The following FCRL3 variants were observed in gnomAD, a reference collection of about 807,000 sequenced individuals.
FCRL3 encodes the protein Fc receptor like 3.
A neutral mutation model predicts 75.0 loss-of-function variants in FCRL3; 89 were observed. The ratio of observed to expected loss-of-function variants is 1.19; its 90% CI spans 1.00 to 1.42. The LOEUF (loss-of-function observed/expected upper bound fraction) is 1.42, where lower values mean the gene tolerates loss of function less well. Ranked by LOEUF, FCRL3 falls within the 40% of genes most tolerant of loss-of-function variation. The probability of loss-of-function intolerance (pLI) is 0.00; values close to 1 mark genes in which losing one functional copy is unlikely to be tolerated. For missense variants in FCRL3, 946 were observed against 880.0 expected (o/e 1.07, Z -0.95); for synonymous variants, 376 against 348.5 (o/e 1.08, Z -0.88).
chr1:157,682,103 T>C (rs540759068), intron 11 of FCRL3, among the ~76,000 whole-genome samples: 131 of 152,346 alleles, frequency 8.6e-4, no homozygotes, highest in African/African-American at 2.9e-3. Context: ...TGTTTTTTTC[T>C]TGTAAATTTG....
intron 6 of FCRL3, 91 bp downstream of exon 6, chr1:157,697,049 G>A (rs758341040): frequency 8.0e-7 from 1 of 1,247,288 alleles, no homozygotes; most frequent in African/African-American, 1.5e-5. Flanking sequence ...ACTCCTCTCT[G>A]TTATGTCCAC....
At position 157,676,707 on chromosome 1, in the gene FCRL3, C is replaced by T. The variant is rs1389561395; in HGVS notation, c.*2003G>A. ...TTCCACTCACATACTCTGATTTGCACAGGGCTAAGTGTTACAAAGACATGG... is the reference window on the plus strand; with the variant it reads ...TTCCACTCACATACTCTGATTTGCATAGGGCTAAGTGTTACAAAGACATGG... On this transcript the variant is annotated 3_prime_UTR_variant, in exon 15 of 15. Coordinates refer to ENST00000368184, the MANE Select transcript of FCRL3 (RefSeq NM_052939.4). The T allele has an allele frequency of 1.3e-6, 2 of 1,550,138 alleles. No individual in the cohort carries two copies. The highest frequency in any genetic ancestry group is 8.7e-7 in the Non-Finnish European group (1 of 1,146,654).
In FCRL3 at chr1:157,695,369, C is replaced by T. The variant is rs377440140; in HGVS notation, c.1371G>A (p.Leu457=). Residue 457 remains leucine (L), a synonymous_variant, in exon 8 of 15, where the codon CTG becomes CTA. Coordinates refer to ENST00000368184, the MANE Select transcript of FCRL3 (RefSeq NM_052939.4). ...GNYSCDADNG[L]GAQHSHGVSL... ...TCACTCCATGACTGTGCTGGGCCCC[C>T]AGGCCATTGTCTGCATCACAGGAGT... 1.9e-6 allele frequency: 3 copies of T among 1,614,076 alleles called. No individual in the cohort carries two copies. The highest frequency in any genetic ancestry group is 2.7e-5 in the African/African-American group (2 of 74,934).
chr1:157,690,152 C>A lies in FCRL3; in HGVS notation c.1690+103G>T. 11 of 1,471,194 alleles carry A rather than the reference C, an allele frequency of 7.5e-6. No individual in the cohort carries two copies. The South Asian group carries it at 1.3e-4, about 18-fold the overall frequency. 91.1% of individuals were successfully genotyped at this position (1,471,194 alleles called of 1,614,324 possible). ...TCCAGAAGTCCCAAGCCTTCGTGTG[C>A]ATGTTCAAAACCTCCTTGGTGCTAG... On this transcript the variant is annotated intron_variant, in intron 9 of 14. Transcript: ENST00000368184.
Position 157,678,696 on chromosome 1 carries a change from C to T in FCRL3, c.*14G>A. On this transcript the variant is annotated 3_prime_UTR_variant, in exon 15 of 15. Coordinates refer to ENST00000368184, the MANE Select transcript of FCRL3 (RefSeq NM_052939.4). ...GGTGCAGGCTGTTTCCTGTGGGCCACTCTGGGTAAGGGGCTAGTGGTCTGA... is the reference window on the plus strand; with the variant it reads ...GGTGCAGGCTGTTTCCTGTGGGCCATTCTGGGTAAGGGGCTAGTGGTCTGA... 1.9e-6 allele frequency: 3 copies of T among 1,612,496 alleles called. 1 individual carries two copies. Among genetic ancestry groups the T allele is most frequent in the South Asian group, 2.2e-5 (2 of 91,000 alleles).
At chr1:157,698,147 T>A in intron 4 of FCRL3, 1 of 720,840 alleles carries the variant, frequency 1.4e-6, no homozygotes, top group Non-Finnish European at 2.2e-6. Context: ...AAAAGAGGAA[T>A]CCCAGACTTG....
Position 157,700,525 on chromosome 1 carries a change from C to T in FCRL3, c.-36G>A, listed in dbSNP as rs1476795319. Reference sequence around the variant, plus strand: ...CGGGCAGAGGGTTGGGAAAGTCTGTCTCACCAAAAGCCCGACTTATCTCCA... The same window carrying T: ...CGGGCAGAGGGTTGGGAAAGTCTGTTTCACCAAAAGCCCGACTTATCTCCA... On this transcript the variant is annotated 5_prime_UTR_variant, in exon 2 of 15. Transcript: ENST00000368184. The T allele has an allele frequency of 5.0e-6, 8 of 1,613,798 alleles. No homozygotes were observed. In the East Asian group the frequency reaches 1.3e-4, roughly 27 times the overall value.
In FCRL3 at chr1:157,698,422, G is replaced by A; in HGVS notation, c.260C>T (p.Ser87Phe). 1.2e-6 allele frequency: 2 copies of A among 1,614,194 alleles called. No individual in the cohort carries two copies. Among genetic ancestry groups the A allele is most frequent in the Non-Finnish European group, 1.7e-6 (2 of 1,180,018 alleles). The change falls in exon 4 of 15, where the codon TCC (serine) becomes TTC (phenylalanine). Residue 87 changes from serine to phenylalanine, a missense_variant. By Grantham distance (155) the Ser-to-Phe change is radical. Coordinates refer to ENST00000368184, the MANE Select transcript of FCRL3 (RefSeq NM_052939.4). ...CACATGCACGGCATCACTGAGGGAG[G>A]ATCCTCGGGTCTTACATTGGTAATT... Reference protein sequence around the residue: ...PGNYQCKTRGSSLSDAVHVEF... With the variant: ...PGNYQCKTRGFSLSDAVHVEF...
chr1:157,696,313 TAGACACAGGGAC>T lies in FCRL3; in HGVS notation c.847_858del (p.Val283_Ser286del). On this transcript the variant is annotated inframe_deletion and splice_region_variant, in exon 7 of 15. Transcript: ENST00000368184. ...GTGGGCCGGATCTCTAGATTCACAT[TAGACACAGGGAC>T]TCCTGGGGGAACACAAGATGGCATG... 6.2e-7 allele frequency: 1 copy of T among 1,614,022 alleles called. No individual in the cohort carries two copies. The highest frequency in any genetic ancestry group is 1.1e-5 in the South Asian group (1 of 91,080).
At position 157,677,513 on chromosome 1, in the gene FCRL3, G is replaced by A; in HGVS notation, c.*1197C>T. On this transcript the variant is annotated 3_prime_UTR_variant, in exon 15 of 15. Coordinates refer to ENST00000368184, the MANE Select transcript of FCRL3 (RefSeq NM_052939.4). ...TTGGAAACATCAGGATTTCAGAATG[G>A]AGGTGAAGTCACTGAAAATTGTTGG... 1.0e-6 allele frequency: 1 copy of A among 985,394 alleles called. No homozygotes were observed. Among genetic ancestry groups the A allele is most frequent in the South Asian group, 4.7e-5 (1 of 21,284 alleles). The allele number at this position is 985,394 out of a possible 1,614,324, so 61.0% of individuals were successfully genotyped here. A position where few individuals can be genotyped will look rare whatever the true frequency, so the allele number is the denominator to read the frequency against.
chr1:157,693,228 T>C (rs1446468171), intron 8 of FCRL3, among the ~76,000 whole-genome samples: 1 of 127,446 alleles, frequency 7.8e-6, no homozygotes, highest in Non-Finnish European at 1.5e-5. Context: ...TGAGCTGAGA[T>C]AGTGCAACTG....
chr1:157,689,795 C>T lies in FCRL3; in HGVS notation c.1810+3G>A, dbSNP rs1359514713. ...CATCACAAGGTAGGACCTAGACACCCACCTGGTTTCCTTCGGGCCCTGGCG... is the reference window on the plus strand; with the variant it reads ...CATCACAAGGTAGGACCTAGACACCTACCTGGTTTCCTTCGGGCCCTGGCG... On this transcript the variant is annotated splice_donor_region_variant and intron_variant, in intron 10 of 14. Coordinates refer to ENST00000368184, the MANE Select transcript of FCRL3 (RefSeq NM_052939.4). 2 of 1,613,978 alleles carry T rather than the reference C, an allele frequency of 1.2e-6. No individual in the cohort carries two copies. The highest frequency in any genetic ancestry group is 1.3e-5 in the African/African-American group (1 of 74,898).
Position 157,697,379 on chromosome 1 carries a change from A to G in FCRL3, c.605T>C (p.Ile202Thr), listed in dbSNP as rs187804313. 2.2e-5 allele frequency: 34 copies of G among 1,572,672 alleles called. No homozygotes were observed. Among genetic ancestry groups the G allele is most frequent in the Non-Finnish European group, 2.8e-5 (33 of 1,163,804 alleles). ...PVLRASSSTP[I>T]EGSPMTLTCE... ...GGTCAGGGTCATGGGACTCCCCTCT[A>G]TGGGCGTGGAAGAGCTGGCTCTCAG... The change falls in exon 6 of 15, where the codon ATA becomes ACA. Residue 202 changes from isoleucine (I) to threonine (T), a missense_variant. By Grantham distance (89) the Ile-to-Thr change is moderately conservative. Transcript: ENST00000368184.
In FCRL3 at chr1:157,677,998, G is replaced by C. The variant is rs1331617169; in HGVS notation, c.*712C>G. 3 of 985,186 alleles carry C rather than the reference G, an allele frequency of 3.0e-6. No individual in the cohort carries two copies. The highest frequency in any genetic ancestry group is 9.4e-5 in the South Asian group (2 of 21,292). 61.0% of individuals were successfully genotyped at this position (985,186 alleles called of 1,614,324 possible). On this transcript the variant is annotated 3_prime_UTR_variant, in exon 15 of 15. Transcript: ENST00000368184. Reference sequence around the variant, plus strand: ...ACTGACTAGAAATCTATCATGTATGGCAAATGATGAGACTATGTCATGAAG... The same window carrying C: ...ACTGACTAGAAATCTATCATGTATGCCAAATGATGAGACTATGTCATGAAG...
Position 157,700,522 on chromosome 1 carries a change from T to C in FCRL3, c.-33A>G. 2 of 1,613,976 alleles carry C rather than the reference T, an allele frequency of 1.2e-6. No individual in the cohort carries two copies. Among genetic ancestry groups the C allele is most frequent in the Non-Finnish European group, 1.7e-6 (2 of 1,179,938 alleles). On this transcript the variant is annotated 5_prime_UTR_variant, in exon 2 of 15. Coordinates refer to ENST00000368184, the MANE Select transcript of FCRL3 (RefSeq NM_052939.4). ...GGCCGGGCAGAGGGTTGGGAAAGTC[T>C]GTCTCACCAAAAGCCCGACTTATCT...
intron 8 of FCRL3, among the ~76,000 whole-genome samples, chr1:157,693,001 C>T (rs1452062536): frequency 6.6e-6 from 1 of 151,970 alleles, no homozygotes; most frequent in Non-Finnish European, 1.5e-5. Flanking sequence ...AGTGGCTGGG[C>T]GTGGTGGCTC....
intron 8 of FCRL3, chr1:157,691,665 G>A: frequency 6.6e-6 from 1 of 152,278 alleles, no homozygotes; most frequent in Non-Finnish European, 1.5e-5. Context: ...GACCTGGGCG[G>A]GATGCAGAGG....
chr1:157,693,922 A>AT (rs922361102), intron 8 of FCRL3, among the ~76,000 whole-genome samples: 18 of 151,846 alleles, frequency 1.2e-4, no homozygotes, highest in African/African-American at 4.1e-4. Context: ...TGAATTTTGT[A>AT]TTTTTTTGTA....
intron 1 of FCRL3, 32 bp from the exon 2 acceptor site, chr1:157,700,617 A>G: frequency 6.5e-7 from 1 of 1,548,834 alleles, no homozygotes; most frequent in South Asian, 1.2e-5. Flanking sequence ...AGAAGAGCTT[A>G]GTGTCATATT....
Sources: gnomAD v4.1 joint callset for allele counts (sites outside exome capture counted in the v4.1 genomes callset) on GRCh38, gnomAD v4.1.1 for gene constraint, MANE v1.5 for transcripts, NCBI Gene and HGNC (gene_info 2026-07-23, HGNC 2026-07-21) for gene names.